The following ELMO1 variants were observed in gnomAD, a reference collection of about 807,000 sequenced individuals.
ELMO1 encodes engulfment and cell motility 1, also known as engulfment and cell motility protein 1.
In ELMO1, 26 loss-of-function variants were observed where a neutral mutation model predicts 98.9. The ratio of observed to expected loss-of-function variants is 0.26; its 90% CI spans 0.19 to 0.36. The LOEUF is 0.36. Among genes scored for constraint, ELMO1 ranks in the 10% least tolerant of loss-of-function variants. The pLI, the probability that ELMO1 is intolerant of heterozygous loss-of-function variation, is 1.00. For missense variants in ELMO1, 627 were observed against 935.2 expected (o/e 0.67, Z 4.30); for synonymous variants, 346 against 346.0 (o/e 1.00, Z 0.00).
chr7:37,381,914 T>C (rs1227154029), intron 1 of ELMO1, among the ~76,000 whole-genome samples: 9 of 152,104 alleles, frequency 5.9e-5, no homozygotes, highest in Admixed American at 5.9e-4. Flanking sequence ...ATATTTTAAA[T>C]TATATACTTT....
chr7:37,122,512 A>C (rs921110392), intron 14 of ELMO1, among the ~76,000 whole-genome samples: 3 of 152,242 alleles, frequency 2.0e-5, no homozygotes, highest in Non-Finnish European at 2.9e-5. Flanking sequence ...ACAGACTTTA[A>C]AGCAACAAAG....
In ELMO1 at chr7:36,878,034, G is replaced by T. The variant is rs767179282; in HGVS notation, c.1798C>A (p.Pro600Thr). The T allele has an allele frequency of 1.9e-6, 3 of 1,613,992 alleles. No individual in the cohort carries two copies. Among genetic ancestry groups the T allele is most frequent in the East Asian group, 2.2e-5 (1 of 44,848 alleles). ...DLEESPQGEVPHDSLQDKLPV... is the reference protein window; with the variant it reads ...DLEESPQGEVTHDSLQDKLPV... Reference sequence around the variant, plus strand: ...CGTTTGTCCTGCAAGGAATCGTGGGGCACTTCTCCCTGAGGACTCTCTTCT... The same window carrying T: ...CGTTTGTCCTGCAAGGAATCGTGGGTCACTTCTCCCTGAGGACTCTCTTCT... Residue 600 changes from proline (P) to threonine (T), a missense_variant, in exon 19 of 22, where the codon CCC (proline) becomes ACC (threonine). This residue lies in a region of ELMO1 where 492 missense variants were observed against 715.6 expected (regional missense o/e 0.69). Transcript: ENST00000310758.
intron 13 of ELMO1, among the ~76,000 whole-genome samples, chr7:37,179,622 T>C (rs1452329550): frequency 6.6e-6 from 1 of 152,018 alleles, no homozygotes. Flanking sequence ...CAAAATATTT[T>C]AGGAAAAGCT....
At chr7:36,913,581 G>A (rs1784481950) in intron 16 of ELMO1, among the ~76,000 whole-genome samples, 1 of 152,158 alleles carries the variant, frequency 6.6e-6, no homozygotes, top group Non-Finnish European at 1.5e-5. Context: ...AATGAATTGG[G>A]ACAAGAAACG....
chr7:36,916,194 G>T (rs1275893187), intron 16 of ELMO1, among the ~76,000 whole-genome samples: 1 of 152,236 alleles, frequency 6.6e-6, no homozygotes, highest in Admixed American at 6.5e-5. Flanking sequence ...TAGGCAGGAG[G>T]TTTAATTTAG....
chr7:36,957,660 CG>C (rs1419449891), intron 16 of ELMO1, among the ~76,000 whole-genome samples: 1 of 152,166 alleles, frequency 6.6e-6, no homozygotes, highest in Non-Finnish European at 1.5e-5. Flanking sequence ...TTGCTGAAGT[CG>C]TAAGTTTACA....
intron 20 of ELMO1, among the ~76,000 whole-genome samples, chr7:36,867,580 TGTC>T (rs1323087506): frequency 6.6e-6 from 1 of 152,144 alleles, no homozygotes; most frequent in East Asian, 1.9e-4. Flanking sequence ...CCTTCCTTAG[TGTC>T]CTGAGGTGGA....
chr7:37,130,108 T>A lies in ELMO1; in HGVS notation c.1191+3022A>T, dbSNP rs112971090. Among the ~76,000 whole-genome samples, 1,358 of 152,272 alleles carry A rather than the reference T, an allele frequency of 8.9e-3. 17 individuals are homozygous for A. Among genetic ancestry groups the A allele is most frequent in the African/African-American group, 0.031 (1,285 of 41,548 alleles). ...GCTTTCCTGACCTGACCCCCACATC[T>A]GTGTTGGTGACTTTCCTCTGTGTTC... On this transcript the variant is annotated intron_variant, in intron 14 of 21. Coordinates refer to ENST00000310758, the MANE Select transcript of ELMO1 (RefSeq NM_014800.11).
intron 6 of ELMO1, among the ~76,000 whole-genome samples, chr7:37,246,547 T>A (rs879861989): frequency 1.3e-5 from 2 of 152,230 alleles, no homozygotes; most frequent in Non-Finnish European, 2.9e-5. Context: ...TCTGTTATAT[T>A]CCAGCCAAAG....
At chr7:37,231,390 A>G (rs924781329) in intron 8 of ELMO1, among the ~76,000 whole-genome samples, 1 of 152,024 alleles carries the variant, frequency 6.6e-6, no homozygotes, top group Non-Finnish European at 1.5e-5. Flanking sequence ...CCACCTAATC[A>G]TGTAATCCAG....
chr7:37,261,888 C>T (rs1254029337), intron 5 of ELMO1, among the ~76,000 whole-genome samples: 1 of 152,216 alleles, frequency 6.6e-6, no homozygotes, highest in Non-Finnish European at 1.5e-5. Flanking sequence ...AGGCGTGAGC[C>T]ACCACGCCCA....
intron 4 of ELMO1, among the ~76,000 whole-genome samples, chr7:37,277,223 C>T (rs1796887842): frequency 6.6e-6 from 1 of 152,220 alleles, no homozygotes; most frequent in South Asian, 2.1e-4. Context: ...ATAATAACTG[C>T]ATCTGTACCA....
chr7:37,308,055 G>A (rs1268708552), intron 4 of ELMO1, among the ~76,000 whole-genome samples: 1 of 152,192 alleles, frequency 6.6e-6, no homozygotes, highest in Non-Finnish European at 1.5e-5. Context: ...GGAGGTTGCA[G>A]TGAGCCAAGA....
chr7:37,103,347 G>A (rs554263148), intron 14 of ELMO1, among the ~76,000 whole-genome samples: 43 of 151,988 alleles, frequency 2.8e-4, no homozygotes, highest in Admixed American at 6.6e-4. Context: ...GACTTACATG[G>A]GTTTCCTCAA....
chr7:37,375,597 G>A, intron 1 of ELMO1: 1 of 1,124,216 alleles, frequency 8.9e-7, no homozygotes, highest in Admixed American at 1.7e-5. Flanking sequence ...GGCCAAGAAG[G>A]ATGTCCCCCA....
intron 6 of ELMO1, among the ~76,000 whole-genome samples, chr7:37,251,650 A>G (rs1337759650): frequency 6.6e-6 from 1 of 152,254 alleles, no homozygotes; most frequent in Non-Finnish European, 1.5e-5. Context: ...AGCTGGAAGC[A>G]TTCCCTTTGA....
intron 15 of ELMO1, among the ~76,000 whole-genome samples, chr7:37,086,546 C>G (rs953010875): frequency 1.3e-5 from 2 of 151,698 alleles, no homozygotes; most frequent in African/African-American, 2.4e-5. Context: ...AGTTCGAGAC[C>G]AGCCTGGCCA....
intron 1 of ELMO1, among the ~76,000 whole-genome samples, chr7:37,434,396 T>C (rs569041543): frequency 6.6e-6 from 1 of 152,328 alleles, no homozygotes; most frequent in African/African-American, 2.4e-5. Context: ...AGGTACTTCA[T>C]CATTCCTAAG....
At chr7:37,433,287 C>T (rs1410609397) in intron 1 of ELMO1, among the ~76,000 whole-genome samples, 1 of 152,210 alleles carries the variant, frequency 6.6e-6, no homozygotes, top group African/African-American at 2.4e-5. Flanking sequence ...TTCTTATGGG[C>T]TCAGCCTGGG....
Sources: allele counts gnomAD v4.1 joint callset (sites outside exome capture counted in the v4.1 genomes callset), GRCh38; gene constraint gnomAD v4.1.1; regional missense constraint gnomAD v4.1.1; transcripts MANE v1.5; gene names NCBI Gene and HGNC (gene_info 2026-07-23, HGNC 2026-07-21).